Variants in CERKL observed in about 807,000 individuals in gnomAD.
CERKL encodes the protein ceramide kinase-like protein.
A neutral mutation model predicts 63.4 loss-of-function variants in CERKL; 61 were observed. The ratio of observed to expected loss-of-function variants is 0.96; its 90% CI spans 0.78 to 1.19. The LOEUF (loss-of-function observed/expected upper bound fraction) is 1.19. Ranked by LOEUF, CERKL falls within the 50% of genes most tolerant of loss-of-function variation. The pLI, the probability that CERKL is intolerant of heterozygous loss-of-function variation, is 0.00. For missense variants in CERKL, 675 were observed against 655.5 expected (o/e 1.03, Z -0.33); for synonymous variants, 250 against 230.5 (o/e 1.08, Z -0.77).
chr2:181,628,676 C>T (rs959762331), intron 1 of CERKL, among the ~76,000 whole-genome samples: 10 of 152,062 alleles, frequency 6.6e-5, no homozygotes, highest in African/African-American at 1.9e-4. Flanking sequence ...CTAAAGTTTG[C>T]GCAAGTTCAT....
intron 1 of CERKL, among the ~76,000 whole-genome samples, chr2:181,631,798 G>C (rs1268832513): frequency 2.0e-5 from 3 of 152,158 alleles, no homozygotes; most frequent in Non-Finnish European, 4.4e-5. Flanking sequence ...AGAAGGAAAT[G>C]GGAATAGAGT....
intron 1 of CERKL, among the ~76,000 whole-genome samples, chr2:181,651,226 G>A (rs1375932596): frequency 6.6e-6 from 1 of 152,050 alleles, no homozygotes; most frequent in Admixed American, 6.6e-5. Flanking sequence ...TACAACACAG[G>A]AAACTATAGT....
chr2:181,623,694 T>C lies in CERKL; in HGVS notation c.239-19615A>G, dbSNP rs1686557076. The stretch of plus-strand genomic sequence containing the variant: ...AAAATAAGGGAGCATGCTGTGTAGG[T>C]ACGGGTCTAGAATCTCTCATCTGCA... On this transcript the variant is annotated intron_variant, in intron 1 of 12. Coordinates refer to ENST00000410087, the MANE Select transcript of CERKL (RefSeq NM_201548.5). 2.0e-5 allele frequency among the ~76,000 whole-genome samples: 3 copies of C among 152,182 alleles called. No individual in the cohort carries two copies. The South Asian group carries it at 6.2e-4, about 32-fold the overall frequency.
chr2:181,610,819 T>C (rs965199896), intron 1 of CERKL, among the ~76,000 whole-genome samples: 2 of 152,236 alleles, frequency 1.3e-5, no homozygotes, highest in Admixed American at 1.3e-4. Context: ...GAATTATAAT[T>C]ATTTTTAATG....
At chr2:181,544,562 A>T (rs1454139193) in intron 11 of CERKL, 138 bp downstream of exon 11, 3 of 592,970 alleles carry the variant, frequency 5.1e-6, no homozygotes, top group Non-Finnish European at 8.9e-6. Flanking sequence ...GATGAAATAG[A>T]TTGGGAAAAA....
intron 2 of CERKL, among the ~76,000 whole-genome samples, chr2:181,584,506 T>G (rs1684674299): frequency 2.0e-5 from 3 of 150,076 alleles, no homozygotes. Context: ...AGCAAGACCT[T>G]GTCTCAGAAA....
At chr2:181,614,054 G>A (rs1686085331) in intron 1 of CERKL, among the ~76,000 whole-genome samples, 1 of 152,126 alleles carries the variant, frequency 6.6e-6, no homozygotes, top group Non-Finnish European at 1.5e-5. Flanking sequence ...AGATTAGATG[G>A]TGCTTTGCTA....
At chr2:181,625,913 A>AT (rs1686682346) in intron 1 of CERKL, among the ~76,000 whole-genome samples, 1 of 152,240 alleles carries the variant, frequency 6.6e-6, no homozygotes, top group Non-Finnish European at 1.5e-5. Context: ...CTAAAACGCT[A>AT]TATTGTTTAA....
intron 1 of CERKL, among the ~76,000 whole-genome samples, chr2:181,606,239 T>TGGAAGCCAAGGAGGAA (rs1685675787): frequency 1.1e-5 from 1 of 90,752 alleles, no homozygotes; most frequent in Non-Finnish European, 2.0e-5. Flanking sequence ...GAAGGGAGGA[T>TGGAAGCCAAGGAGGAA]GGAAGACAAG....
chr2:181,623,951 C>T (rs1686568478), intron 1 of CERKL, among the ~76,000 whole-genome samples: 1 of 152,128 alleles, frequency 6.6e-6, no homozygotes. Flanking sequence ...CATTTTAGCT[C>T]TCTAAAATCA....
At chr2:181,639,453 G>GA (rs1404031648) in intron 1 of CERKL, among the ~76,000 whole-genome samples, 14 of 152,216 alleles carry the variant, frequency 9.2e-5, no homozygotes, top group African/African-American at 2.4e-4. Context: ...AAAAAAACTT[G>GA]TTAAAAACTC....
chr2:181,563,642 C>A (rs1163750501), intron 4 of CERKL, among the ~76,000 whole-genome samples: 1 of 151,596 alleles, frequency 6.6e-6, no homozygotes, highest in African/African-American at 2.4e-5. Flanking sequence ...AAATTTCCCC[C>A]AAAATTTTCC....
At chr2:181,553,231 A>G (rs1477266968) in intron 5 of CERKL, among the ~76,000 whole-genome samples, 1 of 152,168 alleles carries the variant, frequency 6.6e-6, no homozygotes, top group Non-Finnish European at 1.5e-5. Flanking sequence ...GGCCCTCTAC[A>G]GCCTGCCCTT....
At chr2:181,571,415 A>G (rs1235100153) in intron 3 of CERKL, among the ~76,000 whole-genome samples, 3 of 152,174 alleles carry the variant, frequency 2.0e-5, no homozygotes, top group Non-Finnish European at 4.4e-5. Flanking sequence ...TTTGTCTCCA[A>G]TACAATTAAG....
At chr2:181,591,266 T>C (rs1310833607) in intron 2 of CERKL, among the ~76,000 whole-genome samples, 2 of 152,084 alleles carry the variant, frequency 1.3e-5, no homozygotes, top group African/African-American at 2.4e-5. Context: ...ACCAGTGCAA[T>C]CGGTTACCTA....
At chr2:181,576,586 CG>C (rs1288281757) in intron 2 of CERKL, among the ~76,000 whole-genome samples, 2 of 152,088 alleles carry the variant, frequency 1.3e-5, no homozygotes, top group Non-Finnish European at 2.9e-5. Flanking sequence ...AGGTGAAGCA[CG>C]GTGAATTTCA....
At chr2:181,616,370 T>C (rs918260267) in intron 1 of CERKL, among the ~76,000 whole-genome samples, 1 of 151,990 alleles carries the variant, frequency 6.6e-6, no homozygotes, top group East Asian at 1.9e-4. Flanking sequence ...CTCGCCACCA[T>C]GCCCGGCTAA....
chr2:181,586,669 A>G (rs1684782532), intron 2 of CERKL, among the ~76,000 whole-genome samples: 1 of 152,216 alleles, frequency 6.6e-6, no homozygotes, highest in Admixed American at 6.5e-5. Flanking sequence ...GTAAAACAGA[A>G]TGGCCAACTG....
At chr2:181,610,837 G>A (rs16867460) in intron 1 of CERKL, among the ~76,000 whole-genome samples, 25,483 of 152,108 alleles carry the variant, frequency 0.17, 2,689 homozygotes, top group East Asian at 0.28. Context: ...ATGTAGAAAA[G>A]GAAAATTCTT....
Sources: allele counts gnomAD v4.1 joint callset (sites outside exome capture counted in the v4.1 genomes callset), GRCh38; gene constraint gnomAD v4.1.1; transcripts MANE v1.5; gene names NCBI Gene and HGNC (gene_info 2026-07-23, HGNC 2026-07-21).